NFU1: variants seen among roughly 807,000 people sequenced by gnomAD.
NFU1 encodes NFU1 iron-sulfur cluster scaffold homolog, mitochondrial.
In NFU1, 30 loss-of-function variants were observed where a neutral mutation model predicts 32.2. The ratio of observed to expected loss-of-function variants is 0.93; its 90% CI spans 0.70 to 1.26. The LOEUF (loss-of-function observed/expected upper bound fraction) is 1.26. Ranked by LOEUF, NFU1 falls within the 50% of genes most tolerant of loss-of-function variation. The pLI, the probability that NFU1 is intolerant of heterozygous loss-of-function variation, is 0.00. For missense variants in NFU1, 306 were observed against 306.6 expected (o/e 1.00, Z 0.02); for synonymous variants, 112 against 104.6 (o/e 1.07, Z -0.43).
chr2:69,432,005 C>A lies in NFU1; in HGVS notation c.63G>T (p.Arg21=), dbSNP rs1204885167. ...ATGGATTCTTCAACATATGACAGAACCTGCATTTAAAAGCACATAATGAAT... is the reference window on the plus strand; with the variant it reads ...ATGGATTCTTCAACATATGACAGAAACTGCATTTAAAAGCACATAATGAAT... ...AAAVAAGLRR[R]FCHMLKNPYT... The change falls in exon 2 of 8, where the codon CGG becomes CGT. Residue 21 remains arginine (R), a splice_region_variant and synonymous_variant. Transcript: ENST00000410022. The A allele has an allele frequency of 6.3e-7, 1 of 1,597,288 alleles. No individual in the cohort carries two copies. Among genetic ancestry groups the A allele is most frequent in the African/African-American group, 1.3e-5 (1 of 74,570 alleles).
chr2:69,433,823 G>A (rs868720933), intron 1 of NFU1, among the ~76,000 whole-genome samples: 1 of 152,082 alleles, frequency 6.6e-6, no homozygotes, highest in South Asian at 2.1e-4. Flanking sequence ...ACCCATGCTG[G>A]AGTACAATGG....
At chr2:69,402,471 G>C (rs1385733230) in intron 6 of NFU1, among the ~76,000 whole-genome samples, 3 of 152,142 alleles carry the variant, frequency 2.0e-5, no homozygotes, top group African/African-American at 7.2e-5. Context: ...TGGAATTACA[G>C]GCACAAGCCA....
intron 5 of NFU1, among the ~76,000 whole-genome samples, chr2:69,414,761 A>G (rs926577027): frequency 1.3e-5 from 2 of 151,866 alleles, no homozygotes; most frequent in Non-Finnish European, 2.9e-5. Flanking sequence ...GGGAAAAGGG[A>G]TGGGGGTACA....
chr2:69,431,890 G>A lies in NFU1; in HGVS notation c.166+12C>T. ...CTGAAACACAACTGCTATAAAAGAGGTGAAATTTTACCTGGGTGATAAAAG... is the reference window on the plus strand; with the variant it reads ...CTGAAACACAACTGCTATAAAAGAGATGAAATTTTACCTGGGTGATAAAAG... On this transcript the variant is annotated intron_variant, in intron 2 of 7. Transcript: ENST00000410022. 1 of 1,544,242 alleles carries A rather than the reference G, an allele frequency of 6.5e-7. No individual in the cohort carries two copies. Among genetic ancestry groups the A allele is most frequent in the South Asian group, 1.1e-5 (1 of 89,658 alleles).
chr2:69,407,325 C>T lies in NFU1; in HGVS notation c.485-1243G>A, dbSNP rs181741836. ...CCAAAAATATGGAGATTTCATATTACGTTATAACAAACACTAGATTCTGGC... is the reference window on the plus strand; with the variant it reads ...CCAAAAATATGGAGATTTCATATTATGTTATAACAAACACTAGATTCTGGC... On this transcript the variant is annotated intron_variant, in intron 5 of 7. Coordinates refer to ENST00000410022, the MANE Select transcript of NFU1 (RefSeq NM_001002755.4). Among the ~76,000 whole-genome samples, 8 of 152,202 alleles carry T rather than the reference C, an allele frequency of 5.3e-5. No individual in the cohort carries two copies. The East Asian group carries it at 9.6e-4, about 18-fold the overall frequency.
intron 5 of NFU1, among the ~76,000 whole-genome samples, chr2:69,412,533 C>G (rs746410959): frequency 6.6e-6 from 1 of 151,838 alleles, no homozygotes; most frequent in Non-Finnish European, 1.5e-5. Flanking sequence ...ATTACAGGCA[C>G]GCGCCACCAC....
chr2:69,411,714 T>C (rs897425635), intron 5 of NFU1, among the ~76,000 whole-genome samples: 3 of 152,070 alleles, frequency 2.0e-5, no homozygotes, highest in African/African-American at 7.2e-5. Flanking sequence ...CACCTCAGCT[T>C]GTCAAGTAGG....
chr2:69,399,049 T>C (rs1672427285), intron 7 of NFU1, among the ~76,000 whole-genome samples: 2 of 151,458 alleles, frequency 1.3e-5, no homozygotes, highest in Admixed American at 1.3e-4. Context: ...CCGTCTCTAC[T>C]AAAATACAAA....
At chr2:69,416,368 G>GTAA (rs1187678713) in intron 4 of NFU1, among the ~76,000 whole-genome samples, 16 of 129,170 alleles carry the variant, frequency 1.2e-4, no homozygotes, top group African/African-American at 4.9e-4. Flanking sequence ...TAATATATTA[G>GTAA]TAATAATATT....
At chr2:69,397,715 C>G (rs1468114279) in intron 7 of NFU1, among the ~76,000 whole-genome samples, 1 of 151,762 alleles carries the variant, frequency 6.6e-6, no homozygotes, top group Non-Finnish European at 1.5e-5. Context: ...GAGTTCAAGA[C>G]CAGCCCGGTC....
At chr2:69,438,129 A>T (rs1001435037), upstream of NFU1, among the ~76,000 whole-genome samples, 13 of 152,214 alleles carry the variant, frequency 8.5e-5, no homozygotes, top group African/African-American at 3.1e-4. Flanking sequence ...TAGGGGCCAA[A>T]AAAAAGCAGG....
intron 1 of NFU1, among the ~76,000 whole-genome samples, chr2:69,433,957 T>C (rs1673739544): frequency 7.6e-6 from 1 of 131,394 alleles, no homozygotes. Flanking sequence ...TTTTTTTTTT[T>C]ACTTCTGGTA....
At chr2:69,409,925 G>A (rs1457482217) in intron 5 of NFU1, among the ~76,000 whole-genome samples, 1 of 152,122 alleles carries the variant, frequency 6.6e-6, no homozygotes, top group Non-Finnish European at 1.5e-5. Context: ...CTATAGCAGT[G>A]TATATATGTG....
intron 2 of NFU1, among the ~76,000 whole-genome samples, 175 bp from the exon 3 acceptor site, chr2:69,423,892 G>C (rs1673352561): frequency 6.6e-6 from 1 of 151,948 alleles, no homozygotes; most frequent in East Asian, 1.9e-4. Context: ...TATCACCATA[G>C]AGCCGGGCGC....
Position 69,423,597 on chromosome 2 carries a change from C to G in NFU1, c.287G>C (p.Arg96Pro), listed in dbSNP as rs774308958. Residue 96 changes from arginine (R) to proline (P), a missense_variant, in exon 3 of 8, where the codon CGC (arginine) becomes CCC (proline). Transcript: ENST00000410022. ...MDFPTPAAAF[R>P]SPLARQLFRI... is the part of the protein sequence containing the mutation. ...AGTAATATACCTAGCCAGAGGGGAG[C>G]GAAATGCTGCAGCTGGGGTGGGAAA... The G allele has an allele frequency of 1.2e-6, 2 of 1,613,348 alleles. No homozygotes were observed. The highest frequency in any genetic ancestry group is 2.2e-5 in the South Asian group (2 of 91,018).
chr2:69,415,190 TCTC>T lies in NFU1; in HGVS notation c.476_478del (p.Gly159del). The stretch of plus-strand genomic sequence containing the variant: ...TACTCAATACAACATGTTACCTGCT[TCTC>T]CTGAAGGTGTTTCCTCAGTAACCAG... On this transcript the variant is annotated inframe_deletion, in exon 5 of 8. Transcript: ENST00000410022. 1 of 1,577,568 alleles carries T rather than the reference TCTC, an allele frequency of 6.3e-7. No homozygotes were observed. The highest frequency in any genetic ancestry group is 8.7e-7 in the Non-Finnish European group (1 of 1,146,764).
chr2:69,399,409 T>C (rs770837952), intron 7 of NFU1: 1 of 452,304 alleles, frequency 2.2e-6, no homozygotes, highest in East Asian at 7.0e-5. Context: ...AAAAAAAAAA[T>C]GTTGATATTG....
intron 4 of NFU1, among the ~76,000 whole-genome samples, chr2:69,415,704 G>A (rs894922495): frequency 1.3e-5 from 2 of 152,046 alleles, no homozygotes; most frequent in African/African-American, 2.4e-5. Context: ...GGTTGGGCAC[G>A]GTGGTTCATG....
chr2:69,438,427 CAGTAGT>C (rs899802880), upstream of NFU1, among the ~76,000 whole-genome samples: 2 of 151,736 alleles, frequency 1.3e-5, no homozygotes, highest in African/African-American at 4.8e-5. Flanking sequence ...CTTTTATTAG[CAGTAGT>C]AGTAGTAGTA....
Sources: allele counts gnomAD v4.1 joint callset (sites outside exome capture counted in the v4.1 genomes callset), GRCh38; gene constraint gnomAD v4.1.1; transcripts MANE v1.5; gene names NCBI Gene and HGNC (gene_info 2026-07-23, HGNC 2026-07-21).